The following GMDS variants were observed in gnomAD, a reference collection of about 807,000 sequenced individuals.
The protein encoded by GMDS is GDP-mannose 4,6 dehydratase.
A neutral mutation model predicts 49.9 loss-of-function variants in GMDS; 20 were observed. That is an observed-to-expected ratio of 0.40 (90% CI 0.28 to 0.58). The LOEUF (loss-of-function observed/expected upper bound fraction) is 0.58. Ranked by LOEUF, GMDS falls within the 20% of genes least tolerant of loss-of-function variation. The probability of loss-of-function intolerance (pLI) is 0.42; values close to 1 mark genes in which losing one functional copy is unlikely to be tolerated. For missense variants in GMDS, 362 were observed against 481.4 expected (o/e 0.75, Z 2.32); for synonymous variants, 177 against 178.6 (o/e 0.99, Z 0.07).
At chr6:1,867,850 G>A (rs1758515270) in intron 7 of GMDS, among the ~76,000 whole-genome samples, 1 of 152,178 alleles carries the variant, frequency 6.6e-6, no homozygotes. Flanking sequence ...ACTGGTAATA[G>A]AAGGCAGGAG....
intron 7 of GMDS, among the ~76,000 whole-genome samples, chr6:1,828,865 A>AATTAT (rs1182730580): frequency 6.6e-6 from 1 of 152,208 alleles, no homozygotes; most frequent in East Asian, 1.9e-4. Context: ...AAACCCCTGC[A>AATTAT]CTGTAAAAAA....
intron 1 of GMDS, among the ~76,000 whole-genome samples, chr6:2,215,987 G>A (rs1197143684): frequency 2.0e-5 from 3 of 152,084 alleles, no homozygotes; most frequent in East Asian, 1.9e-4. Flanking sequence ...AGGGGATCAC[G>A]GAAACATAGA....
At chr6:2,089,463 A>C (rs1296412615) in intron 4 of GMDS, among the ~76,000 whole-genome samples, 3 of 152,180 alleles carry the variant, frequency 2.0e-5, no homozygotes, top group Non-Finnish European at 4.4e-5. Context: ...AATGCAAATA[A>C]AACAGCTACA....
chr6:2,212,786 A>G (rs1040693014), intron 1 of GMDS, among the ~76,000 whole-genome samples: 5 of 151,380 alleles, frequency 3.3e-5, no homozygotes, highest in Non-Finnish European at 7.4e-5. Flanking sequence ...CATTTTTCAC[A>G]TGTGCAGCTC....
At chr6:2,118,038 G>A (rs1378979584) in intron 2 of GMDS, among the ~76,000 whole-genome samples, 2 of 152,196 alleles carry the variant, frequency 1.3e-5, no homozygotes, top group South Asian at 2.1e-4. Context: ...CATCATCAGA[G>A]AGCAGATGTT....
chr6:1,870,565 A>G (rs1758684249), intron 7 of GMDS, among the ~76,000 whole-genome samples: 1 of 152,188 alleles, frequency 6.6e-6, no homozygotes, highest in Non-Finnish European at 1.5e-5. Context: ...TGGCTGTGTG[A>G]GTACAGTCTC....
chr6:2,175,301 T>C (rs767556797), intron 1 of GMDS, among the ~76,000 whole-genome samples: 16 of 152,174 alleles, frequency 1.1e-4, no homozygotes, highest in Non-Finnish European at 7.3e-5. Flanking sequence ...AAAAATATTA[T>C]TAACCTTTAA....
At chr6:2,108,034 C>A (rs1032748249) in intron 4 of GMDS, among the ~76,000 whole-genome samples, 1 of 152,158 alleles carries the variant, frequency 6.6e-6, no homozygotes, top group African/African-American at 2.4e-5. Flanking sequence ...CATATAACAT[C>A]ATAATAAACT....
intron 7 of GMDS, among the ~76,000 whole-genome samples, chr6:1,745,036 C>G (rs1767427275): frequency 6.6e-6 from 1 of 152,212 alleles, no homozygotes; most frequent in Non-Finnish European, 1.5e-5. Context: ...AAAATACCTT[C>G]AGAATTTTTA....
intron 7 of GMDS, among the ~76,000 whole-genome samples, chr6:1,914,127 G>GTTT (rs1225983780): frequency 1.6e-4 from 8 of 50,020 alleles, no homozygotes; most frequent in African/African-American, 5.6e-4. Context: ...AGCGTTTTTT[G>GTTT]TTTGTTTTTT....
At chr6:1,889,590 G>T (rs1759778553) in intron 7 of GMDS, among the ~76,000 whole-genome samples, 1 of 151,952 alleles carries the variant, frequency 6.6e-6, no homozygotes, top group Non-Finnish European at 1.5e-5. Context: ...ATTTTACCCT[G>T]GCATTTATTC....
chr6:1,992,784 C>T (rs1766035539), intron 4 of GMDS, among the ~76,000 whole-genome samples: 1 of 152,190 alleles, frequency 6.6e-6, no homozygotes, highest in Non-Finnish European at 1.5e-5. Context: ...TTACCTTGTT[C>T]CCCAACAGGT....
intron 4 of GMDS, among the ~76,000 whole-genome samples, chr6:2,066,537 G>C (rs1425300773): frequency 6.6e-6 from 1 of 151,948 alleles, no homozygotes; most frequent in African/African-American, 2.4e-5. Flanking sequence ...CATGTGCAGA[G>C]ACACACATAG....
chr6:2,234,897 G>A (rs1781284154), intron 1 of GMDS, among the ~76,000 whole-genome samples: 1 of 152,022 alleles, frequency 6.6e-6, no homozygotes, highest in South Asian at 2.1e-4. Context: ...AGGCCAAGGT[G>A]GGCGGATCAC....
At chr6:2,078,979 T>C (rs1772504523) in intron 4 of GMDS, among the ~76,000 whole-genome samples, 2 of 151,114 alleles carry the variant, frequency 1.3e-5, no homozygotes, top group Non-Finnish European at 3.0e-5. Context: ...TAATATTCTG[T>C]TGCTGAATTG....
At chr6:2,087,676 C>T (rs372899064) in intron 4 of GMDS, among the ~76,000 whole-genome samples, 4 of 152,252 alleles carry the variant, frequency 2.6e-5, no homozygotes, top group African/African-American at 4.8e-5. Flanking sequence ...CTTAGCCACA[C>T]GCAATTTTAG....
Position 1,836,643 on chromosome 6 carries a change from G to T in GMDS, c.771+93460C>A, listed in dbSNP as rs949573641. Among the ~76,000 whole-genome samples the T allele has an allele frequency of 6.6e-6, 1 of 152,292 alleles. No individual in the cohort carries two copies. Among genetic ancestry groups the T allele is most frequent in the South Asian group, 2.1e-4 (1 of 4,828 alleles). The stretch of plus-strand genomic sequence containing the variant: ...AAAATAGTCCATAAAAGGGAGATTG[G>T]GTAGAAGCGGCTGATGAACTGGTTA... On this transcript the variant is annotated intron_variant, in intron 7 of 10. Coordinates refer to ENST00000380815, the MANE Select transcript of GMDS (RefSeq NM_001500.4). This position sits in a 1 kb window ranked among gnomAD's most constrained non-coding sequence, Gnocchi z 4.2.
intron 7 of GMDS, among the ~76,000 whole-genome samples, chr6:1,809,723 C>T (rs1770334977): frequency 6.6e-6 from 1 of 152,002 alleles, no homozygotes; most frequent in African/African-American, 2.4e-5. Context: ...TTCTGAAATC[C>T]TAAGAACAGA....
chr6:2,043,691 C>T (rs1199303409), intron 4 of GMDS, among the ~76,000 whole-genome samples: 1 of 152,218 alleles, frequency 6.6e-6, no homozygotes, highest in East Asian at 1.9e-4. Context: ...CTAGCTTGCA[C>T]TCTTACCTGT....
Sources: gnomAD v4.1 joint callset for allele counts (sites outside exome capture counted in the v4.1 genomes callset) on GRCh38, gnomAD v4.1.1 for gene constraint, Gnocchi (gnomAD v3.1) non-coding constraint, MANE v1.5 for transcripts, NCBI Gene and HGNC (gene_info 2026-07-23, HGNC 2026-07-21) for gene names.